Variants in SGK3 observed in about 807,000 individuals in gnomAD.
SGK3 encodes the protein serine/threonine-protein kinase Sgk3.
SGK3 carries 47 observed loss-of-function variants against 68.5 expected under a neutral mutation model. The ratio of observed to expected loss-of-function variants is 0.69; its 90% CI spans 0.54 to 0.87. The LOEUF is 0.87. SGK3 is among the 40% of genes least tolerant of loss of function. SGK3 has a pLI of 0.00. For synonymous variants in SGK3, 181 were observed against 189.1 expected (o/e 0.96, Z 0.35); for missense variants, 479 against 575.5 (o/e 0.83, Z 1.72).
At chr8:66,759,414 C>T (rs1806087478) in intron 1 of SGK3, among the ~76,000 whole-genome samples, 1 of 151,456 alleles carries the variant, frequency 6.6e-6, no homozygotes, top group South Asian at 2.1e-4. Flanking sequence ...TTCCACGTGT[C>T]TCTGTGTCTT....
At chr8:66,764,625 C>T (rs190444503) in intron 1 of SGK3, among the ~76,000 whole-genome samples, 7 of 152,170 alleles carry the variant, frequency 4.6e-5, no homozygotes, top group East Asian at 1.9e-4. Flanking sequence ...TGCTCCACTA[C>T]GCCTGGCTAA....
intron 1 of SGK3, among the ~76,000 whole-genome samples, chr8:66,779,187 A>G (rs890598914): frequency 3.9e-5 from 6 of 152,106 alleles, no homozygotes; most frequent in African/African-American, 1.2e-4. Context: ...TGAATTTACT[A>G]TTGTTGAAGT....
intron 1 of SGK3, among the ~76,000 whole-genome samples, chr8:66,765,372 A>T (rs544532887): frequency 6.6e-6 from 1 of 152,148 alleles, no homozygotes; most frequent in East Asian, 1.9e-4. Flanking sequence ...AGAAATGTCT[A>T]CTTAAGTCTT....
At chr8:66,816,793 A>G (rs1049256476) in intron 5 of SGK3, among the ~76,000 whole-genome samples, 3 of 152,130 alleles carry the variant, frequency 2.0e-5, no homozygotes, top group Admixed American at 6.5e-5. Flanking sequence ...AGCACCTCCT[A>G]TATACCTGTT....
intron 1 of SGK3, among the ~76,000 whole-genome samples, chr8:66,789,211 T>A (rs949616276): frequency 1.3e-5 from 2 of 152,186 alleles, no homozygotes; most frequent in Non-Finnish European, 2.9e-5. Context: ...TAATCCATAG[T>A]CATGTTCCAA....
chr8:66,742,403 TG>T (rs1254402141), intron 1 of SGK3, among the ~76,000 whole-genome samples: 1 of 152,218 alleles, frequency 6.6e-6, no homozygotes, highest in African/African-American at 2.4e-5. Flanking sequence ...GGTCTCACTC[TG>T]TTGCACAGGC....
chr8:66,829,160 T>G (rs1360469918), intron 7 of SGK3, among the ~76,000 whole-genome samples: 2 of 152,164 alleles, frequency 1.3e-5, no homozygotes, highest in African/African-American at 4.8e-5. Flanking sequence ...TAATGGACAT[T>G]AGCATATTAA....
rs142838628 is a variant in SGK3 at position 66,719,669 on chromosome 8, G to A, written c.-122+6836G>A. ...ATATAGACATCTATAGATCTATATC[G>A]TTAGTTTTGATAGCTGCATAGTATT... On this transcript the variant is annotated intron_variant, in intron 1 of 16. Transcript: ENST00000521198. Among the ~76,000 whole-genome samples, 45 of 152,094 alleles carry A rather than the reference G, an allele frequency of 3.0e-4. 1 individual carries two copies. The East Asian group carries it at 7.7e-3, about 26-fold the overall frequency.
rs1307929587 is a variant in SGK3 at position 66,806,541 on chromosome 8, T to C, written c.253+2094T>C. Among the ~76,000 whole-genome samples, 63 of 152,070 alleles carry C rather than the reference T, an allele frequency of 4.1e-4. 1 individual carries two copies. The highest frequency in any genetic ancestry group is 4.1e-3 in the Admixed American group (62 of 15,262). On this transcript the variant is annotated intron_variant, in intron 4 of 16. Transcript: ENST00000521198. ...ATTGAAATCTTACAGAGAGCAGATA[T>C]GGTAGCTACGCCTGTAATCCCAGCA...
chr8:66,804,546 A>G, intron 4 of SGK3, 99 bp downstream of exon 4: 1 of 1,251,772 alleles, frequency 8.0e-7, no homozygotes. Flanking sequence ...CAGGACTTTA[A>G]AAGATCTTAT....
At chr8:66,788,608 C>T (rs1237205487) in intron 1 of SGK3, among the ~76,000 whole-genome samples, 1 of 152,168 alleles carries the variant, frequency 6.6e-6, no homozygotes, top group Admixed American at 6.5e-5. Context: ...CTGGCAGGCT[C>T]ATAGGTTACC....
intron 1 of SGK3, among the ~76,000 whole-genome samples, chr8:66,789,825 C>T (rs1234047985): frequency 6.6e-6 from 1 of 152,144 alleles, no homozygotes; most frequent in East Asian, 1.9e-4. Flanking sequence ...TGCCTACAAT[C>T]CCAGCACTTT....
chr8:66,744,612 ATTC>A (rs1246902987), intron 1 of SGK3, among the ~76,000 whole-genome samples: 1 of 142,752 alleles, frequency 7.0e-6, no homozygotes, highest in Non-Finnish European at 1.5e-5. Flanking sequence ...GGTTCAAGCA[ATTC>A]TTCTGCCTCA....
intron 1 of SGK3, among the ~76,000 whole-genome samples, chr8:66,759,221 G>GTAACAGAGTGAGACTCTCTCTA (rs1563612981): frequency 6.6e-6 from 1 of 151,602 alleles, no homozygotes; most frequent in African/African-American, 2.4e-5. Flanking sequence ...AAGTAGCTGG[G>GTAACAGAGTGAGACTCTCTCTA]ACTACAGGTG....
chr8:66,797,840 A>C (rs1585731297), intron 2 of SGK3, among the ~76,000 whole-genome samples: 2 of 152,340 alleles, frequency 1.3e-5, no homozygotes, highest in Middle Eastern at 6.8e-3. Context: ...TGGCAAAAAA[A>C]ATCTGAAGCA....
intron 1 of SGK3, among the ~76,000 whole-genome samples, chr8:66,750,079 A>G (rs1445978309): frequency 6.6e-6 from 1 of 151,964 alleles, no homozygotes; most frequent in Non-Finnish European, 1.5e-5. Flanking sequence ...TTCCCAGTGC[A>G]TCTTCTACTA....
intron 1 of SGK3, among the ~76,000 whole-genome samples, chr8:66,742,648 T>G (rs1288702868): frequency 2.0e-5 from 3 of 152,240 alleles, no homozygotes; most frequent in Non-Finnish European, 4.4e-5. Context: ...ATTATGGGCA[T>G]GAGCCACCAT....
At chr8:66,765,033 T>A (rs1484372085) in intron 1 of SGK3, among the ~76,000 whole-genome samples, 1 of 152,192 alleles carries the variant, frequency 6.6e-6, no homozygotes, top group Non-Finnish European at 1.5e-5. Flanking sequence ...TGCAAGTAAG[T>A]ATTTGTTTGA....
chr8:66,722,084 A>AGT (rs1804809737), intron 1 of SGK3, among the ~76,000 whole-genome samples: 1 of 152,090 alleles, frequency 6.6e-6, no homozygotes, highest in Non-Finnish European at 1.5e-5. Context: ...GACTCTTACA[A>AGT]GAGTTAGGGA....
Sources: gnomAD v4.1 joint callset for allele counts (sites outside exome capture counted in the v4.1 genomes callset) on GRCh38, gnomAD v4.1.1 for gene constraint, MANE v1.5 for transcripts, NCBI Gene and HGNC (gene_info 2026-07-23, HGNC 2026-07-21) for gene names.